Variants in MAP3K1 observed in about 807,000 individuals in gnomAD.
MAP3K1 encodes mitogen-activated protein kinase kinase kinase 1.
In MAP3K1, 36 loss-of-function variants were observed where a neutral mutation model predicts 144.2. The ratio of observed to expected loss-of-function variants is 0.25; its 90% CI spans 0.19 to 0.33. The LOEUF is 0.33. Ranked by LOEUF, MAP3K1 falls within the 10% of genes least tolerant of loss-of-function variation. The pLI is 1.00. For missense variants in MAP3K1, 1,650 were observed against 1,881.9 expected (o/e 0.88, Z 2.28); for synonymous variants, 718 against 688.7 (o/e 1.04, Z -0.67).
intron 1 of MAP3K1, among the ~76,000 whole-genome samples, chr5:56,843,271 G>C (rs890454127): frequency 6.6e-6 from 1 of 152,136 alleles, no homozygotes; most frequent in Admixed American, 6.5e-5. Context: ...AGCCGTCTCT[G>C]GTCAGCACTG....
intron 1 of MAP3K1, among the ~76,000 whole-genome samples, chr5:56,829,637 C>T (rs1746429045): frequency 6.6e-6 from 1 of 152,168 alleles, no homozygotes; most frequent in African/African-American, 2.4e-5. Flanking sequence ...CATGCTAGTT[C>T]TTACTGTTGT....
intron 1 of MAP3K1, among the ~76,000 whole-genome samples, 182 bp from the exon 2 acceptor site, chr5:56,856,418 T>C (rs571457588): frequency 6.6e-6 from 1 of 152,356 alleles, no homozygotes; most frequent in East Asian, 1.9e-4. Context: ...CTGCATGATA[T>C]ATGTCAGTAG....
chr5:56,865,865 A>G lies in MAP3K1; in HGVS notation c.1189A>G (p.Ser397Gly). ...SLFQKYHSRR[S>G]SRIKAPSRNT... Reference sequence around the variant, plus strand: ...GTTCCAGAAATATCACAGTAGGCGTAGCTCAAGGATCAAAGCTCCATCTCG... The same window carrying G: ...GTTCCAGAAATATCACAGTAGGCGTGGCTCAAGGATCAAAGCTCCATCTCG... Residue 397 changes from serine (S) to glycine (G), a missense_variant, in exon 6 of 20, where the codon AGC (serine) becomes GGC (glycine). By Grantham distance (56) the Ser-to-Gly change is moderately conservative. Transcript: ENST00000399503. 6.2e-7 allele frequency: 1 copy of G among 1,614,140 alleles called. No homozygotes were observed. The highest frequency in any genetic ancestry group is 8.5e-7 in the Non-Finnish European group (1 of 1,179,966).
At chr5:56,823,431 T>C (rs1451452639) in intron 1 of MAP3K1, among the ~76,000 whole-genome samples, 1 of 152,224 alleles carries the variant, frequency 6.6e-6, no homozygotes, top group African/African-American at 2.4e-5. Flanking sequence ...CCAGACTGGC[T>C]TTGTAGCAGG....
intron 1 of MAP3K1, among the ~76,000 whole-genome samples, chr5:56,847,331 T>G (rs1392966992): frequency 6.6e-6 from 1 of 152,264 alleles, no homozygotes; most frequent in Non-Finnish European, 1.5e-5. Flanking sequence ...GCGTGGTGGC[T>G]CATGCCTGTA....
intron 17 of MAP3K1, 49 bp from the exon 18 acceptor site, chr5:56,887,329 C>A: frequency 6.2e-7 from 1 of 1,602,490 alleles, no homozygotes. Context: ...TTTATCTGTC[C>A]TTATTTTTGT....
chr5:56,885,063 G>A (rs886321364), intron 16 of MAP3K1, among the ~76,000 whole-genome samples: 1 of 152,094 alleles, frequency 6.6e-6, no homozygotes, highest in East Asian at 1.9e-4. Context: ...AAATGATTGT[G>A]TAGCATTGTT....
intron 19 of MAP3K1, among the ~76,000 whole-genome samples, chr5:56,889,159 T>C (rs1748471488): frequency 6.6e-6 from 1 of 152,192 alleles, no homozygotes; most frequent in African/African-American, 2.4e-5. Flanking sequence ...CATTTTCTTT[T>C]GTTCGTTTGT....
chr5:56,830,425 A>G (rs372210803), intron 1 of MAP3K1, among the ~76,000 whole-genome samples: 3 of 151,482 alleles, frequency 2.0e-5, no homozygotes, highest in African/African-American at 7.3e-5. Context: ...TATACTACCT[A>G]CCCCACCCCC....
In MAP3K1 at chr5:56,894,048, T is replaced by G; in HGVS notation, c.*368T>G. The G allele has an allele frequency of 5.3e-6, 2 of 378,692 alleles. No individual in the cohort carries two copies. Among genetic ancestry groups the G allele is most frequent in the South Asian group, 6.6e-5 (2 of 30,278 alleles). The allele number at this position is 378,692 out of a possible 1,614,324, so 23.5% of individuals were successfully genotyped here. ...ATCTATTTTAATATTTCAATTATTC[T>G]TCCATTTCATATAGTGATCACAAGC... On this transcript the variant is annotated 3_prime_UTR_variant, in exon 20 of 20. Transcript: ENST00000399503.
chr5:56,832,994 C>T (rs1275268319), intron 1 of MAP3K1, among the ~76,000 whole-genome samples: 3 of 152,196 alleles, frequency 2.0e-5, no homozygotes, highest in Admixed American at 2.0e-4. Flanking sequence ...GCCTCAGCCT[C>T]CCTAGTAGCT....
At position 56,881,231 on chromosome 5, in the gene MAP3K1, T is replaced by C. The variant is rs375508504; in HGVS notation, c.2328T>C (p.Ile776=). The C allele has an allele frequency of 1.6e-5, 26 of 1,613,654 alleles. No homozygotes were observed. The highest frequency in any genetic ancestry group is 2.2e-5 in the Non-Finnish European group (26 of 1,179,936). Residue 776 remains isoleucine (I), a synonymous_variant, in exon 13 of 20, where the codon ATT becomes ATC. Coordinates refer to ENST00000399503, the MANE Select transcript of MAP3K1 (RefSeq NM_005921.2). ...TTCCTGCTGAATTTTATCCTCATAT[T>C]GTCAGTACTGATGTTTCACAAGCTG... ...LEFPAEFYPH[I]VSTDVSQAEP... is the part of the protein sequence containing the mutation.
chr5:56,882,409 C>G lies in MAP3K1; in HGVS notation c.3209C>G (p.Thr1070Arg), dbSNP rs778518101. 8 of 1,613,934 alleles carry G rather than the reference C, an allele frequency of 5.0e-6. No homozygotes were observed. In the African/African-American group the frequency reaches 1.1e-4, roughly 22 times the overall value. The change falls in exon 14 of 20, where the codon ACA becomes AGA. Residue 1070 changes from threonine to arginine, a missense_variant. Transcript: ENST00000399503. ...CCATCTAGACCTACCCCAGGTAATACAAGTAAACAGGGAGATCCCTCAAAA... is the reference window on the plus strand; with the variant it reads ...CCATCTAGACCTACCCCAGGTAATAGAAGTAAACAGGGAGATCCCTCAAAA... ...PKPSRPTPGN[T>R]SKQGDPSKNS...
rs186175487 is a variant in MAP3K1 at position 56,869,525 on chromosome 5, A to G, written c.1302-2385A>G. On this transcript the variant is annotated intron_variant, in intron 6 of 19. Transcript: ENST00000399503. ...TATGTATATGAAGAGTTTAAGTGCAATTTTATAATAAAAATTTTTAAAATA... is the reference window on the plus strand; with the variant it reads ...TATGTATATGAAGAGTTTAAGTGCAGTTTTATAATAAAAATTTTTAAAATA... Among the ~76,000 whole-genome samples the G allele has an allele frequency of 3.4e-4, 52 of 152,312 alleles. 1 individual carries two copies. The highest frequency in any genetic ancestry group is 6.6e-4 in the Non-Finnish European group (45 of 68,020).
intron 3 of MAP3K1, among the ~76,000 whole-genome samples, chr5:56,861,324 C>T (rs1747500236): frequency 6.6e-6 from 1 of 152,078 alleles, no homozygotes; most frequent in Admixed American, 6.6e-5. Flanking sequence ...ATAATCCTAG[C>T]ACTTTGGGAG....
intron 1 of MAP3K1, among the ~76,000 whole-genome samples, chr5:56,816,486 G>A (rs1355895136): frequency 6.6e-6 from 1 of 152,058 alleles, no homozygotes; most frequent in Non-Finnish European, 1.5e-5. Flanking sequence ...TGAGGCGGGC[G>A]GTGGTCGGAA....
intron 1 of MAP3K1, among the ~76,000 whole-genome samples, chr5:56,843,626 CT>C: frequency 6.6e-6 from 1 of 152,246 alleles, no homozygotes; most frequent in Middle Eastern, 3.4e-3. Context: ...AGGGGCAAAT[CT>C]TTGTGACAGA....
intron 5 of MAP3K1, 123 bp from the exon 6 acceptor site, chr5:56,865,706 G>C (rs1348165874): frequency 3.1e-6 from 3 of 969,716 alleles, no homozygotes; most frequent in Non-Finnish European, 4.7e-6. Flanking sequence ...TCTTATTTTT[G>C]AAGCTCTTAA....
In MAP3K1 at chr5:56,895,696, A is replaced by G. The variant is rs1748682952; in HGVS notation, c.*2016A>G. 4.3e-6 allele frequency: 1 copy of G among 232,230 alleles called. No homozygotes were observed. The highest frequency in any genetic ancestry group is 8.5e-6 in the Non-Finnish European group (1 of 117,510). The allele number at this position is 232,230 out of a possible 1,614,324, so 14.4% of individuals were successfully genotyped here. A position where few individuals can be genotyped will look rare whatever the true frequency, so the allele number is the denominator to read the frequency against. ...TGTTTTTTGTTTTGTTTTCAATGCAAATGTGATGTAATATTCTTATTTTCT... is the reference window on the plus strand; with the variant it reads ...TGTTTTTTGTTTTGTTTTCAATGCAGATGTGATGTAATATTCTTATTTTCT... On this transcript the variant is annotated 3_prime_UTR_variant, in exon 20 of 20. Coordinates refer to ENST00000399503, the MANE Select transcript of MAP3K1 (RefSeq NM_005921.2).
Sources: gnomAD v4.1 joint callset for allele counts (sites outside exome capture counted in the v4.1 genomes callset) on GRCh38, gnomAD v4.1.1 for gene constraint, MANE v1.5 for transcripts, NCBI Gene and HGNC (gene_info 2026-07-23, HGNC 2026-07-21) for gene names.